The following ELP5 variants were observed in gnomAD, a reference collection of about 807,000 sequenced individuals.
The protein encoded by ELP5 is elongator complex protein 5.
ELP5 carries 34 observed loss-of-function variants against 33.4 expected under a neutral mutation model. The ratio of observed to expected loss-of-function variants is 1.02; its 90% CI spans 0.78 to 1.36. The LOEUF is 1.36. ELP5 is among the 40% of genes most tolerant of loss of function. The pLI, the probability that ELP5 is intolerant of heterozygous loss-of-function variation, is 0.00. For missense variants in ELP5, 373 were observed against 371.7 expected (o/e 1.00, Z -0.03); for synonymous variants, 161 against 146.4 (o/e 1.10, Z -0.72).
At chr17:7,256,441 C>T (rs2072076550) in intron 4 of ELP5, among the ~76,000 whole-genome samples, 5 of 152,176 alleles carry the variant, frequency 3.3e-5, no homozygotes, top group Non-Finnish European at 2.9e-5. Context: ...TGTGTTAAAG[C>T]GTTTAGCATA....
chr17:7,259,400 T>TA (rs2072159464), intron 7 of ELP5, 171 bp from the exon 8 acceptor site: 1 of 1,440,534 alleles, frequency 6.9e-7, no homozygotes, highest in Non-Finnish European at 9.1e-7. Context: ...TCTATCCCAG[T>TA]ACCAAATGGT....
At position 7,252,437 on chromosome 17, in the gene ELP5, T is replaced by C; in HGVS notation, c.-114T>C. 1 of 1,491,314 alleles carries C rather than the reference T, an allele frequency of 6.7e-7. No individual in the cohort carries two copies. Among genetic ancestry groups the C allele is most frequent in the Non-Finnish European group, 9.3e-7 (1 of 1,079,646 alleles). The allele number at this position is 1,491,314 out of a possible 1,614,324, so 92.4% of individuals were successfully genotyped here. ...ACCTCTCATTCCAGACTATGTTAGG[T>C]CTTAATGGTGGGAGGACGCCCGAGT... On this transcript the variant is annotated 5_prime_UTR_variant, in exon 1 of 8. Transcript: ENST00000396628.
intron 7 of ELP5, 28 bp downstream of exon 7, chr17:7,258,954 C>T (rs1217452017): frequency 6.2e-7 from 1 of 1,613,812 alleles, no homozygotes; most frequent in Non-Finnish European, 8.5e-7. Flanking sequence ...GTACGTGGAT[C>T]CCTGAGTAGA....
At chr17:7,256,677 T>C (rs2072081750) in intron 4 of ELP5, among the ~76,000 whole-genome samples, 180 bp from the exon 5 acceptor site, 2 of 152,190 alleles carry the variant, frequency 1.3e-5, no homozygotes, top group Admixed American at 1.3e-4. Context: ...ATTGGGATGA[T>C]AGAGGAGATT....
At position 7,252,583 on chromosome 17, in the gene ELP5, G is replaced by A. The variant is rs758417031; in HGVS notation, c.33G>A (p.Leu11=). Residue 11 remains leucine, a synonymous_variant, in exon 1 of 8, where the codon CTG becomes CTA. Transcript: ENST00000396628. ...ACTCGCTGTTGGCCTTGGGCGGCCT[G>A]GTGCTGCTTCGGGGTGAGAGCCAGA... The part of the protein sequence containing the change: MLDSLLALGG[L]VLLRDSVEWE... 5 of 1,612,916 alleles carry A rather than the reference G, an allele frequency of 3.1e-6. No homozygotes were observed. In the African/African-American group the frequency reaches 6.7e-5, roughly 22 times the overall value.
At chr17:7,252,155 G>T (rs1478498614), upstream of ELP5, 5 of 364,718 alleles carry the variant, frequency 1.4e-5, no homozygotes, top group Non-Finnish European at 2.1e-5. Flanking sequence ...GTGGCCGCGG[G>T]GCGGGGCCTG....
At chr17:7,256,466 C>G (rs986222251) in intron 4 of ELP5, among the ~76,000 whole-genome samples, 1 of 152,240 alleles carries the variant, frequency 6.6e-6, no homozygotes, top group African/African-American at 2.4e-5. Context: ...CTGACACTCT[C>G]TAAATGCTCC....
At position 7,258,842 on chromosome 17, in the gene ELP5, A is replaced by G. The variant is rs551872134; in HGVS notation, c.704A>G (p.His235Arg). The G allele has an allele frequency of 2.8e-5, 45 of 1,614,204 alleles. 1 individual carries two copies. In the East Asian group the frequency reaches 9.4e-4, roughly 34 times the overall value. Residue 235 changes from histidine to arginine, a missense_variant, in exon 7 of 8, where the codon CAT becomes CGT. By Grantham distance (29) the His-to-Arg change is conservative. Coordinates refer to ENST00000396628, the MANE Select transcript of ELP5 (RefSeq NM_203414.3). ...PHIPPVDPTT[H>R]LTFNLHLSKK... The stretch of plus-strand genomic sequence containing the variant: ...TACCTACAGGTGGATCCCACAACTC[A>G]TTTGACCTTTAACCTTCACCTGTCC...
chr17:7,252,955 G>A lies in ELP5; in HGVS notation c.145G>A (p.Glu49Lys), dbSNP rs2071983125. 3.7e-6 allele frequency: 6 copies of A among 1,614,202 alleles called. No individual in the cohort carries two copies. The highest frequency in any genetic ancestry group is 5.1e-6 in the Non-Finnish European group (6 of 1,180,028). The change falls in exon 3 of 8, where the codon GAG becomes AAG. Residue 49 changes from glutamate to lysine, a missense_variant. By Grantham distance (56) the Glu-to-Lys change is moderately conservative. Coordinates refer to ENST00000396628, the MANE Select transcript of ELP5 (RefSeq NM_203414.3). The stretch of plus-strand genomic sequence containing the variant: ...GCATATCCTGGGCTGTGAAGTGAGC[G>A]AGGAAGAGTTTCGTGAAGGTTTTGA... ...QVHILGCEVS[E>K]EEFREGFDSD...
At position 7,252,521 on chromosome 17, in the gene ELP5, G is replaced by A; in HGVS notation, c.-30G>A. 1 of 1,613,760 alleles carries A rather than the reference G, an allele frequency of 6.2e-7. No homozygotes were observed. Among genetic ancestry groups the A allele is most frequent in the Non-Finnish European group, 8.5e-7 (1 of 1,179,930 alleles). ...CTGGGTCATGACGCCATCAGAGGGC[G>A]CCAGAGCAGGGACCGGACGCGAGTT... is the stretch of plus-strand genomic sequence containing the variant. On this transcript the variant is annotated 5_prime_UTR_variant, in exon 1 of 8. Coordinates refer to ENST00000396628, the MANE Select transcript of ELP5 (RefSeq NM_203414.3).
In ELP5 at chr17:7,252,502, C is replaced by T. The variant is rs2071958633; in HGVS notation, c.-49C>T. On this transcript the variant is annotated 5_prime_UTR_variant, in exon 1 of 8. Transcript: ENST00000396628. ...ACCCCGAGGAGGAAGGACACTGGGT[C>T]ATGACGCCATCAGAGGGCGCCAGAG... The T allele has an allele frequency of 1.2e-6, 2 of 1,613,540 alleles. No individual in the cohort carries two copies. Among genetic ancestry groups the T allele is most frequent in the Non-Finnish European group, 1.7e-6 (2 of 1,179,828 alleles).
At position 7,259,722 on chromosome 17, in the gene ELP5, G is replaced by C; in HGVS notation, c.*37G>C. On this transcript the variant is annotated 3_prime_UTR_variant, in exon 8 of 8. Transcript: ENST00000396628. ...TGATTAGATTGTAATTGGAGGGGGC[G>C]CGGGAAGACTTTGGGCCCAGAACCA... The C allele has an allele frequency of 6.2e-7, 1 of 1,613,384 alleles. No individual in the cohort carries two copies. Among genetic ancestry groups the C allele is most frequent in the Non-Finnish European group, 8.5e-7 (1 of 1,179,716 alleles).
rs1050552384 is a variant in ELP5, at chr17:7,252,272, C to G, written c.-279C>G. On this transcript the variant is annotated 5_prime_UTR_variant, in exon 1 of 8. Transcript: ENST00000396628. ...CTTGTGGGTCCTCCTCCCCCTCCCA[C>G]TGACAACTGCCCCAACTGCTCTTCC... is the stretch of plus-strand genomic sequence containing the variant. The G allele has an allele frequency of 4.8e-5, 25 of 526,256 alleles. No individual in the cohort carries two copies. The highest frequency in any genetic ancestry group is 2.9e-4 in the African/African-American group (15 of 52,022). The allele number at this position is 526,256 out of a possible 1,614,324, so 32.6% of individuals were successfully genotyped here.
intron 7 of ELP5, 172 bp downstream of exon 7, chr17:7,259,098 C>G: frequency 1.0e-5 from 15 of 1,450,440 alleles, no homozygotes; most frequent in Non-Finnish European, 1.4e-5. Flanking sequence ...GGCAGAGGAC[C>G]TTTATGTCTC....
chr17:7,252,565 G>T lies in ELP5; in HGVS notation c.15G>T (p.Leu5=), dbSNP rs1201274505. Residue 5 remains leucine, a synonymous_variant, in exon 1 of 8, where the codon CTG becomes CTT. Transcript: ENST00000396628. The part of the protein sequence containing the change: MLDS[L]LALGGLVLLR... ...GCGAGTTGGAGATGTTGGACTCGCT[G>T]TTGGCCTTGGGCGGCCTGGTGCTGC... is the stretch of plus-strand genomic sequence containing the variant. The T allele has an allele frequency of 1.2e-6, 2 of 1,613,452 alleles. No individual in the cohort carries two copies. Among genetic ancestry groups the T allele is most frequent in the African/African-American group, 1.3e-5 (1 of 74,940 alleles).
intron 7 of ELP5, 43 bp from the exon 8 acceptor site, chr17:7,259,528 A>G (rs2072162470): frequency 3.7e-6 from 6 of 1,612,172 alleles, no homozygotes; most frequent in East Asian, 2.2e-5. Context: ...TCCAGACCCA[A>G]CCTGTTAGCT....
At position 7,256,863 on chromosome 17, in the gene ELP5, G is replaced by C; in HGVS notation, c.416G>C (p.Ser139Thr). Residue 139 changes from serine to threonine, a missense_variant, in exon 5 of 8, where the codon AGC (serine) becomes ACC (threonine). Ser to Thr is a moderately conservative substitution (Grantham distance 58). Coordinates refer to ENST00000396628, the MANE Select transcript of ELP5 (RefSeq NM_203414.3). ...VSHQDSCPGD[S>T]SSVGKVSVLG... ...ATTTCTTGTCCTCCTCTAGGTGACA[G>C]CTCCTCAGTGGGGAAAGTGAGTGTG... 2.5e-6 allele frequency: 4 copies of C among 1,614,218 alleles called. No homozygotes were observed. The highest frequency in any genetic ancestry group is 1.1e-5 in the South Asian group (1 of 91,088).
intron 6 of ELP5, 35 bp downstream of exon 6, chr17:7,258,718 G>A (rs2072138095): frequency 6.2e-7 from 1 of 1,614,154 alleles, no homozygotes; most frequent in African/African-American, 1.3e-5. Context: ...ACAAGGAAAT[G>A]TAGTTTAGTA....
chr17:7,258,411 T>C (rs1442993959), intron 5 of ELP5, among the ~76,000 whole-genome samples, 177 bp from the exon 6 acceptor site: 5 of 148,996 alleles, frequency 3.4e-5, no homozygotes, highest in Non-Finnish European at 5.9e-5. Context: ...ATCACGCCAC[T>C]GTACTCCAGC....
Sources: gnomAD v4.1 joint callset for allele counts (sites outside exome capture counted in the v4.1 genomes callset) on GRCh38, gnomAD v4.1.1 for gene constraint, MANE v1.5 for transcripts, NCBI Gene and HGNC (gene_info 2026-07-23, HGNC 2026-07-21) for gene names.